The following DGKB variants were observed in gnomAD, a reference collection of about 807,000 sequenced individuals.
DGKB encodes the protein 90 kDa diacylglycerol kinase.
Under a neutral mutation model 114.3 loss-of-function variants are expected in DGKB, and 67 were observed. The ratio of observed to expected loss-of-function variants is 0.59; its 90% CI spans 0.48 to 0.72. The LOEUF (loss-of-function observed/expected upper bound fraction) is 0.72, where lower values mean the gene tolerates loss of function less well. Ranked by LOEUF, DGKB falls within the 30% of genes least tolerant of loss-of-function variation. DGKB has a pLI of 0.00. For synonymous variants in DGKB, 398 were observed against 323.1 expected (o/e 1.23, Z -2.49); for missense variants, 907 against 975.2 (o/e 0.93, Z 0.93).
At chr7:14,605,365 AC>A (rs1804292122) in intron 17 of DGKB, among the ~76,000 whole-genome samples, 1 of 121,924 alleles carries the variant, frequency 8.2e-6, no homozygotes, top group African/African-American at 3.3e-5. Context: ...ATATATATAT[AC>A]TATATATATA....
In DGKB at chr7:14,463,996, G is replaced by T. The variant is rs79707913; in HGVS notation, c.1835+14165C>A. ...AAAATAAGATTGGGACTAACGATTA[G>T]TGATATTAGCTTAAGTTTTCATGGT... On this transcript the variant is annotated intron_variant, in intron 21 of 25. Coordinates refer to ENST00000402815, the MANE Select transcript of DGKB (RefSeq NM_001350709.2). 7.8e-4 allele frequency among the ~76,000 whole-genome samples: 118 copies of T among 151,078 alleles called. 1 individual carries two copies. The highest frequency in any genetic ancestry group is 2.6e-3 in the African/African-American group (107 of 41,246).
At chr7:14,512,449 C>T (rs1387352338) in intron 20 of DGKB, among the ~76,000 whole-genome samples, 1 of 152,076 alleles carries the variant, frequency 6.6e-6, no homozygotes, top group African/African-American at 2.4e-5. Context: ...TAAGAGATAG[C>T]CTTACTCTTA....
chr7:14,575,291 T>C (rs977362966), intron 19 of DGKB, among the ~76,000 whole-genome samples: 1 of 152,194 alleles, frequency 6.6e-6, no homozygotes, highest in Non-Finnish European at 1.5e-5. Flanking sequence ...ACTTGTGTTT[T>C]TCTCACTACA....
intron 23 of DGKB, among the ~76,000 whole-genome samples, chr7:14,215,398 C>G (rs1204139429): frequency 6.6e-6 from 1 of 152,044 alleles, no homozygotes; most frequent in Non-Finnish European, 1.5e-5. Flanking sequence ...CCATAGTAAG[C>G]ATAAATATTA....
intron 6 of DGKB, among the ~76,000 whole-genome samples, chr7:14,705,005 A>T (rs1475985003): frequency 6.6e-6 from 1 of 151,612 alleles, no homozygotes; most frequent in East Asian, 2.0e-4. Flanking sequence ...AAGGCTTCAG[A>T]CGATCAAATT....
chr7:14,149,243 A>G lies in DGKB; in HGVS notation c.2305-5T>C, dbSNP rs1781816768. The G allele has an allele frequency of 6.3e-7, 1 of 1,599,954 alleles. No homozygotes were observed. The highest frequency in any genetic ancestry group is 1.7e-5 in the Admixed American group (1 of 59,602). On this transcript the variant is annotated splice_polypyrimidine_tract_variant and splice_region_variant and intron_variant, in intron 25 of 25. Transcript: ENST00000402815. ...GTTCTTGTGTGTAATTTTTATCTAGAAAAAAAGAGAGAGAGAGAGAGAGAA... is the reference window on the plus strand; with the variant it reads ...GTTCTTGTGTGTAATTTTTATCTAGGAAAAAAGAGAGAGAGAGAGAGAGAA...
At chr7:14,918,888 C>G (rs557491002) in intron 1 of DGKB, among the ~76,000 whole-genome samples, 2 of 152,012 alleles carry the variant, frequency 1.3e-5, no homozygotes, top group East Asian at 3.9e-4. Flanking sequence ...ACGGTGAAAC[C>G]CCGCCTCTAC....
At chr7:14,958,426 A>AAC (rs754087921) in intron 1 of DGKB, among the ~76,000 whole-genome samples, 17,483 of 122,658 alleles carry the variant, frequency 0.14, 1,236 homozygotes, top group Middle Eastern at 0.19. Flanking sequence ...TACCTCTCCC[A>AAC]ACACACACAC....
chr7:14,390,451 C>T (rs985803370), intron 21 of DGKB, among the ~76,000 whole-genome samples: 110 of 152,242 alleles, frequency 7.2e-4, no homozygotes, highest in African/African-American at 2.5e-3. Context: ...TTTCCCCTTG[C>T]CTTTCAACTT....
At chr7:14,155,654 A>G (rs935599479) in intron 25 of DGKB, among the ~76,000 whole-genome samples, 1 of 152,102 alleles carries the variant, frequency 6.6e-6, no homozygotes. Context: ...GGCAGATTTA[A>G]GAGAGATTGA....
chr7:14,571,102 C>A (rs1798316008), intron 20 of DGKB, among the ~76,000 whole-genome samples: 1 of 152,016 alleles, frequency 6.6e-6, no homozygotes, highest in African/African-American at 2.4e-5. Context: ...CAGGAAGAGG[C>A]AAAATTCTCC....
chr7:14,673,120 T>G (rs1819261811), intron 12 of DGKB, 93 bp from the exon 13 acceptor site: 1 of 679,502 alleles, frequency 1.5e-6, no homozygotes, highest in East Asian at 2.7e-5. Flanking sequence ...AGCAAACACA[T>G]TAAAAGTACA....
intron 23 of DGKB, among the ~76,000 whole-genome samples, chr7:14,219,747 G>A (rs1016035695): frequency 6.6e-6 from 1 of 151,610 alleles, no homozygotes; most frequent in East Asian, 1.9e-4. Context: ...TCTTGATAGA[G>A]TCCTTTGAAA....
chr7:14,598,459 A>ACTATTAATTTTAAAGCAGATG (rs1228433312), intron 17 of DGKB, among the ~76,000 whole-genome samples: 1 of 152,222 alleles, frequency 6.6e-6, no homozygotes, highest in Non-Finnish European at 1.5e-5. Context: ...CAGAGAATTA[A>ACTATTAATTTTAAAGCAGATG]CTATTAATTT....
intron 1 of DGKB, among the ~76,000 whole-genome samples, chr7:14,884,555 C>T (rs547453193): frequency 6.6e-6 from 1 of 152,064 alleles, no homozygotes; most frequent in South Asian, 2.1e-4. Flanking sequence ...GACAGCCTGA[C>T]TTTTTCTGAG....
intron 1 of DGKB, among the ~76,000 whole-genome samples, chr7:14,855,422 A>G: frequency 6.6e-6 from 1 of 152,204 alleles, no homozygotes; most frequent in East Asian, 1.9e-4. Flanking sequence ...AGGACATACT[A>G]GAAAAAAGAT....
At chr7:14,868,343 T>TG (rs1251233874) in intron 1 of DGKB, among the ~76,000 whole-genome samples, 1 of 151,166 alleles carries the variant, frequency 6.6e-6, no homozygotes, top group Admixed American at 6.6e-5. Context: ...CCTTTTCATT[T>TG]TTTTTTTTTT....
intron 1 of DGKB, among the ~76,000 whole-genome samples, chr7:14,899,932 T>C (rs1782727138): frequency 6.6e-6 from 1 of 152,132 alleles, no homozygotes; most frequent in Non-Finnish European, 1.5e-5. Flanking sequence ...TAACCCAGCA[T>C]TCACTAAATA....
intron 1 of DGKB, among the ~76,000 whole-genome samples, chr7:14,915,868 G>T (rs1251402714): frequency 6.6e-6 from 1 of 152,088 alleles, no homozygotes. Flanking sequence ...AAAATATATA[G>T]TTCAGAAATT....
Sources: allele counts gnomAD v4.1 joint callset (sites outside exome capture counted in the v4.1 genomes callset), GRCh38; gene constraint gnomAD v4.1.1; transcripts MANE v1.5; gene names NCBI Gene and HGNC (gene_info 2026-07-23, HGNC 2026-07-21).